The following SNX11 variants were observed in gnomAD, a reference collection of about 807,000 sequenced individuals.
SNX11 encodes sorting nexin 11, also known as sorting nexin-11.
Under a neutral mutation model 30.7 loss-of-function variants are expected in SNX11, and 19 were observed. That is an observed-to-expected ratio of 0.62 (90% confidence interval 0.43 to 0.91). The LOEUF is 0.91. Ranked by LOEUF, SNX11 falls within the 40% of genes least tolerant of loss-of-function variation. SNX11 has a pLI of 0.00. For synonymous variants in SNX11, 112 were observed against 119.0 expected (o/e 0.94, Z 0.38); for missense variants, 302 against 326.7 (o/e 0.92, Z 0.58).
intron 4 of SNX11, among the ~76,000 whole-genome samples, chr17:48,114,644 G>C (rs1241792155): frequency 6.7e-6 from 1 of 150,096 alleles, no homozygotes; most frequent in Non-Finnish European, 1.5e-5. Context: ...TTTTAGTGGA[G>C]GTGGGGTTTT....
intron 6 of SNX11, 41 bp from the exon 7 acceptor site, chr17:48,121,194 G>A (rs771937308): frequency 6.2e-7 from 1 of 1,605,298 alleles, no homozygotes. Context: ...TGTTACCCAA[G>A]CTGTTCATAC....
intron 6 of SNX11, among the ~76,000 whole-genome samples, chr17:48,120,221 T>G (rs960629457): frequency 6.9e-6 from 1 of 145,242 alleles, no homozygotes; most frequent in Non-Finnish European, 1.5e-5. Context: ...TTTTTTTTTT[T>G]TTTGAGACAG....
chr17:48,112,072 A>C lies in SNX11; in HGVS notation c.29A>C (p.Asn10Thr). ...GGCTTTTGGTGTAGGATGTCGGAGA[A>C]CCAAGAACAGGAGGTAAGAGTATGG... MGFWCRMSE[N>T]QEQEEVITVR... The change falls in exon 2 of 7, where the codon AAC becomes ACC. Residue 10 changes from asparagine to threonine, a missense_variant. Transcript: ENST00000359238. The C allele has an allele frequency of 6.2e-7, 1 of 1,613,816 alleles. No individual in the cohort carries two copies. The highest frequency in any genetic ancestry group is 8.5e-7 in the Non-Finnish European group (1 of 1,179,744).
intron 4 of SNX11, chr17:48,113,629 T>C: frequency 2.5e-6 from 1 of 402,764 alleles, no homozygotes; most frequent in Non-Finnish European, 4.6e-6. Context: ...CACTGCAGCC[T>C]CAACCTCCTG....
chr17:48,119,238 A>T (rs929835132), intron 6 of SNX11, 52 bp downstream of exon 6: 1 of 1,345,694 alleles, frequency 7.4e-7, no homozygotes. Context: ...TATAACCTGG[A>T]CCAGAGAGGT....
intron 1 of SNX11, 162 bp downstream of exon 1, chr17:48,108,000 C>G (rs1396780087): frequency 6.6e-6 from 1 of 152,174 alleles, no homozygotes; most frequent in Non-Finnish European, 1.5e-5. Flanking sequence ...GCTCGGGATC[C>G]AAGAAAGGAA....
chr17:48,113,707 G>T, intron 4 of SNX11: 1 of 309,350 alleles, frequency 3.2e-6, no homozygotes, highest in Non-Finnish European at 6.2e-6. Flanking sequence ...CACCACACTT[G>T]CCTAATTTGG....
chr17:48,119,086 G>A lies in SNX11; in HGVS notation c.439G>A (p.Val147Met). 6.2e-7 allele frequency: 1 copy of A among 1,614,132 alleles called. No homozygotes were observed. The highest frequency in any genetic ancestry group is 8.5e-7 in the Non-Finnish European group (1 of 1,180,024). The change falls in exon 6 of 7, where the codon GTG becomes ATG. Residue 147 changes from valine to methionine, a missense_variant. Val to Met is a conservative substitution (Grantham distance 21). Transcript: ENST00000359238. ...ACVQGRSTMT[V>M]SDAILRYAMS... ...TGTCCAGGGCCGAAGTACCATGACT[G>A]TGTCTGATGCCATTCTTCGATATGC...
At chr17:48,113,541 T>C in intron 4 of SNX11, 140 bp downstream of exon 4, 1 of 595,602 alleles carries the variant, frequency 1.7e-6, no homozygotes, top group Non-Finnish European at 3.0e-6. Flanking sequence ...CTTTTTTTGT[T>C]TTTTGGGTTT....
At chr17:48,113,802 C>A (rs1367977725) in intron 4 of SNX11, among the ~76,000 whole-genome samples, 2 of 151,890 alleles carry the variant, frequency 1.3e-5, no homozygotes, top group East Asian at 3.9e-4. Flanking sequence ...CCTGCCTTGG[C>A]CTTCCAAATT....
At chr17:48,114,603 G>A (rs1013521310) in intron 4 of SNX11, among the ~76,000 whole-genome samples, 114 of 150,806 alleles carry the variant, frequency 7.6e-4, no homozygotes, top group African/African-American at 2.6e-3. Flanking sequence ...ATTACAGGGG[G>A]TTACCACCAT....
Position 48,112,676 on chromosome 17 carries a change from T to C in SNX11, c.129+16T>C. Reference sequence around the variant, plus strand: ...ATTCCTCCATGTGAGTACATCAAGCTTCTGTATTGGGGTCAGCGCTCTGCA... The same window carrying C: ...ATTCCTCCATGTGAGTACATCAAGCCTCTGTATTGGGGTCAGCGCTCTGCA... On this transcript the variant is annotated intron_variant, in intron 3 of 6. Coordinates refer to ENST00000359238, the MANE Select transcript of SNX11 (RefSeq NM_013323.3). The C allele has an allele frequency of 6.3e-7, 1 of 1,576,884 alleles. No individual in the cohort carries two copies. The highest frequency in any genetic ancestry group is 8.7e-7 in the Non-Finnish European group (1 of 1,146,850).
At chr17:48,112,379 T>C in intron 2 of SNX11, 195 bp from the exon 3 acceptor site, 1 of 651,834 alleles carries the variant, frequency 1.5e-6, no homozygotes, top group South Asian at 1.8e-5. Flanking sequence ...TATAACAGTG[T>C]CTGACACGTA....
chr17:48,111,032 A>G, intron 1 of SNX11: 4 of 947,274 alleles, frequency 4.2e-6, no homozygotes, highest in Non-Finnish European at 5.0e-6. Flanking sequence ...GCTTTAATGA[A>G]TCTTTACAAA....
At position 48,121,641 on chromosome 17, in the gene SNX11, T is replaced by C; in HGVS notation, c.*133T>C. On this transcript the variant is annotated 3_prime_UTR_variant, in exon 7 of 7. Transcript: ENST00000359238. ...TTCTAGTCACCTCTGCTTGGGCTGA[T>C]TGACAGAGGTCAGTCATTACAGCCC... 1 of 883,188 alleles carries C rather than the reference T, an allele frequency of 1.1e-6. No individual in the cohort carries two copies. Among genetic ancestry groups the C allele is most frequent in the Non-Finnish European group, 1.8e-6 (1 of 571,390 alleles). The allele number at this position is 883,188 out of a possible 1,614,324, so 54.7% of individuals were successfully genotyped here.
intron 6 of SNX11, 116 bp from the exon 7 acceptor site, chr17:48,121,118 TG>T (rs763314462): frequency 2.0e-5 from 22 of 1,115,826 alleles, no homozygotes; most frequent in Non-Finnish European, 2.7e-5. Flanking sequence ...CCTGAGTAGT[TG>T]GGATTACAGG....
chr17:48,119,319 G>A lies in SNX11; in HGVS notation c.539+133G>A, dbSNP rs950970583. The A allele has an allele frequency of 7.5e-5, 54 of 721,446 alleles. 2 individuals carry two copies. Among genetic ancestry groups the A allele is most frequent in the South Asian group, 6.1e-4 (35 of 57,006 alleles). The allele number at this position is 721,446 out of a possible 1,614,324, so 44.7% of individuals were successfully genotyped here. A position where few individuals can be genotyped will look rare whatever the true frequency, so the allele number is the denominator to read the frequency against. ...ACAACCTTTCTTGTTCTTTGGGTGC[G>A]TGGCTTTCTATCCAGGTGGGTCTGT... is the stretch of plus-strand genomic sequence containing the variant. On this transcript the variant is annotated intron_variant, in intron 6 of 6. Coordinates refer to ENST00000359238, the MANE Select transcript of SNX11 (RefSeq NM_013323.3).
intron 6 of SNX11, among the ~76,000 whole-genome samples, chr17:48,119,484 C>T (rs1187316578): frequency 2.0e-5 from 3 of 152,200 alleles, no homozygotes. Context: ...CGGACGCTCA[C>T]TCTTTCACCC....
chr17:48,112,155 A>G (rs1431384154), intron 2 of SNX11, 70 bp downstream of exon 2: 1 of 1,332,454 alleles, frequency 7.5e-7, no homozygotes. Flanking sequence ...AAGAGGACAT[A>G]GAGATGCAAA....
Sources: allele counts gnomAD v4.1 joint callset (sites outside exome capture counted in the v4.1 genomes callset), GRCh38; gene constraint gnomAD v4.1.1; transcripts MANE v1.5; gene names NCBI Gene and HGNC (gene_info 2026-07-23, HGNC 2026-07-21).